The following NFIB variants were observed in gnomAD, a reference collection of about 807,000 sequenced individuals.
The protein encoded by NFIB is nuclear factor 1 B-type.
In NFIB, 11 loss-of-function variants were observed where a neutral mutation model predicts 61.5. That is an observed-to-expected ratio of 0.18 (90% confidence interval 0.11 to 0.30). The LOEUF (loss-of-function observed/expected upper bound fraction) is 0.30. Among genes scored for constraint, NFIB ranks in the 10% least tolerant of loss-of-function variants. The pLI, the probability that NFIB is intolerant of heterozygous loss-of-function variation, is 1.00. For missense variants in NFIB, 471 were observed against 608.9 expected, an observed-to-expected ratio of 0.77 and a Z score of 2.38; for synonymous variants, 260 against 216.5, an observed-to-expected ratio of 1.20 and a Z score of -1.76.
chr9:14,294,524 G>C (rs780522146), intron 2 of NFIB, among the ~76,000 whole-genome samples: 1 of 152,170 alleles, frequency 6.6e-6, no homozygotes, highest in African/African-American at 2.4e-5. Context: ...TTTGTTTCAT[G>C]TATATGATTT....
chr9:14,281,833 G>A (rs1212268385), intron 2 of NFIB, among the ~76,000 whole-genome samples: 1 of 151,394 alleles, frequency 6.6e-6, no homozygotes, highest in Non-Finnish European at 1.5e-5. Flanking sequence ...ACACACACAC[G>A]TGCACACCCC....
At chr9:14,501,439 CT>C in the NFIB span, among the ~76,000 whole-genome samples, 4 of 152,060 alleles carry the variant, frequency 2.6e-5, no homozygotes, top group East Asian at 7.7e-4. Flanking sequence ...ATGTAATTTC[CT>C]TCTTACATGC....
At chr9:14,297,582 A>T (rs1434144346) in intron 2 of NFIB, among the ~76,000 whole-genome samples, 1 of 152,232 alleles carries the variant, frequency 6.6e-6, no homozygotes, top group East Asian at 1.9e-4. Flanking sequence ...TATTTTCTAG[A>T]TGGGAATGCA....
intron 1 of NFIB, among the ~76,000 whole-genome samples, chr9:14,329,084 T>A (rs1460988125): frequency 3.9e-5 from 6 of 152,204 alleles, no homozygotes; most frequent in African/African-American, 1.2e-4. Context: ...CATATTGGCC[T>A]GCTTTCCTCA....
rs533233792 is a variant in NFIB at position 14,385,980 on chromosome 9, G to A, written c.108+12544C>T. Among the ~76,000 whole-genome samples, 41 of 151,858 alleles carry A rather than the reference G, an allele frequency of 2.7e-4. 1 individual carries two copies. The South Asian group carries it at 7.5e-3, about 28-fold the overall frequency. ...GTATGTTCAGTAGAGACAGGGTTTCGCCATGTTTTCCAGGCTGGTCTCAAA... is the reference window on the plus strand; with the variant it reads ...GTATGTTCAGTAGAGACAGGGTTTCACCATGTTTTCCAGGCTGGTCTCAAA... On this transcript the variant is annotated intron_variant, in intron 1 of 8. Coordinates refer to the NFIB transcript ENST00000380934.
chr9:14,287,529 T>C (rs1322417045), intron 2 of NFIB, among the ~76,000 whole-genome samples: 2 of 151,736 alleles, frequency 1.3e-5, no homozygotes, highest in Non-Finnish European at 2.9e-5. Flanking sequence ...GTTCAAACGA[T>C]CTTCTGCCTC....
chr9:14,426,704 CACCCAGGAGG>C, the NFIB span, among the ~76,000 whole-genome samples: 1 of 152,144 alleles, frequency 6.6e-6, no homozygotes, highest in Non-Finnish European at 1.5e-5. Flanking sequence ...TTTCCAGGAG[CACCCAGGAGG>C]ACATTCAGAA....
intron 2 of NFIB, among the ~76,000 whole-genome samples, chr9:14,289,534 A>G (rs2058951538): frequency 6.6e-6 from 1 of 151,724 alleles, no homozygotes; most frequent in Admixed American, 6.6e-5. Flanking sequence ...TATATTTGGT[A>G]TACCATATAG....
At chr9:14,198,369 T>G (rs1172742852) in intron 2 of NFIB, among the ~76,000 whole-genome samples, 5 of 152,156 alleles carry the variant, frequency 3.3e-5, no homozygotes, top group African/African-American at 9.7e-5. Context: ...CCTGGAACAA[T>G]TACTTGGATA....
intron 2 of NFIB, among the ~76,000 whole-genome samples, chr9:14,181,618 G>T (rs1456888579): frequency 6.6e-6 from 1 of 152,186 alleles, no homozygotes; most frequent in African/African-American, 2.4e-5. Flanking sequence ...TTTTGCTATA[G>T]CATCAGCTAT....
chr9:14,191,898 C>A (rs1292116112), intron 2 of NFIB, among the ~76,000 whole-genome samples: 1 of 152,150 alleles, frequency 6.6e-6, no homozygotes, highest in Non-Finnish European at 1.5e-5. Context: ...CCTTCCAATC[C>A]AATCAAAAAA....
At position 14,307,230 on chromosome 9, in the gene NFIB, G is replaced by A. The variant is rs549868178; in HGVS notation, c.321C>T (p.Ser107=). ...TGKKHPCCVL[S]NPDQKGKIRR... is the part of the protein sequence containing the mutation. ...TAATCTTACCCTTCTGGTCGGGATTGGATAAGACACAGCACGGGTGCTTCT... is the reference window on the plus strand; with the variant it reads ...TAATCTTACCCTTCTGGTCGGGATTAGATAAGACACAGCACGGGTGCTTCT... The change falls in exon 2 of 11, where the codon TCC becomes TCT. Residue 107 remains serine (S), a synonymous_variant. Coordinates refer to ENST00000380953, the MANE Select transcript of NFIB (RefSeq NM_001190737.2). The surrounding 1 kb of genome is among the most constrained non-coding windows in gnomAD (Gnocchi z 5.3). 7.2e-5 allele frequency: 117 copies of A among 1,613,914 alleles called. No homozygotes were observed. The highest frequency in any genetic ancestry group is 8.6e-5 in the Non-Finnish European group (102 of 1,180,034).
At chr9:14,232,197 G>A (rs540049964) in intron 2 of NFIB, among the ~76,000 whole-genome samples, 160 of 152,154 alleles carry the variant, frequency 1.1e-3, no homozygotes, top group Non-Finnish European at 2.1e-3. Flanking sequence ...AGAAAAAAAC[G>A]TATGCCATGG....
rs189045742 is a variant in NFIB, at chr9:14,087,596, T to C, written c.*713A>G. ...CTTTTTTTCCTTTTTTTTTCATTTT[T>C]TCTTTTTTTAAGATTTCAAACTGGG... is the stretch of plus-strand genomic sequence containing the variant. On this transcript the variant is annotated 3_prime_UTR_variant, in exon 11 of 11. Transcript: ENST00000380953. The C allele has an allele frequency of 7.5e-4, 170 of 226,332 alleles. No individual in the cohort carries two copies. Among genetic ancestry groups the C allele is most frequent in the African/African-American group, 3.5e-3 (158 of 45,006 alleles). The allele number at this position is 226,332 out of a possible 1,614,324, so 14.0% of individuals were successfully genotyped here.
At chr9:14,364,284 T>C (rs955021020) in intron 1 of NFIB, among the ~76,000 whole-genome samples, 2 of 152,172 alleles carry the variant, frequency 1.3e-5, no homozygotes, top group Admixed American at 6.5e-5. Context: ...TGTGGAGTTT[T>C]TTTGGCTTTG....
At chr9:14,480,569 G>C in the NFIB span, among the ~76,000 whole-genome samples, 2 of 152,130 alleles carry the variant, frequency 1.3e-5, no homozygotes, top group Non-Finnish European at 2.9e-5. Context: ...ACCTTGTCTT[G>C]GGTTAATGAG....
chr9:14,296,334 A>C (rs1432694145), intron 2 of NFIB, among the ~76,000 whole-genome samples: 2 of 152,268 alleles, frequency 1.3e-5, no homozygotes, highest in African/African-American at 4.8e-5. Context: ...ACAGAAAAGC[A>C]AAGCACATGG....
At chr9:14,244,950 C>T (rs1283322072) in intron 2 of NFIB, among the ~76,000 whole-genome samples, 1 of 152,150 alleles carries the variant, frequency 6.6e-6, no homozygotes, top group Non-Finnish European at 1.5e-5. Context: ...GATTCTCCTC[C>T]TACTTATCTG....
the NFIB span, among the ~76,000 whole-genome samples, chr9:14,488,403 G>T: frequency 1.3e-5 from 2 of 152,154 alleles, no homozygotes; most frequent in East Asian, 3.9e-4. Flanking sequence ...TGTTAAAAAT[G>T]GAGGTTCCCA....
Sources: gnomAD v4.1 joint callset for allele counts (sites outside exome capture counted in the v4.1 genomes callset) on GRCh38, gnomAD v4.1.1 for gene constraint, Gnocchi (gnomAD v3.1) non-coding constraint, MANE v1.5 for transcripts, NCBI Gene and HGNC (gene_info 2026-07-23, HGNC 2026-07-21) for gene names.